ERP27: variants seen among roughly 807,000 people sequenced by gnomAD.
ERP27 encodes the protein endoplasmic reticulum protein 27.
Under a neutral mutation model 27.7 loss-of-function variants are expected in ERP27, and 23 were observed. That is an observed-to-expected ratio of 0.83 (90% CI 0.60 to 1.18). ERP27 has a LOEUF of 1.18. Among genes scored for constraint, ERP27 ranks in the 50% most tolerant of loss-of-function variants. The pLI, the probability that ERP27 is intolerant of heterozygous loss-of-function variation, is 0.00. For missense variants in ERP27, 363 were observed against 327.9 expected (o/e 1.11, Z -0.83); for synonymous variants, 159 against 118.3 (o/e 1.34, Z -2.23).
intron 3 of ERP27, among the ~76,000 whole-genome samples, chr12:14,933,482 G>T (rs935456418): frequency 6.6e-6 from 1 of 152,066 alleles, no homozygotes; most frequent in African/African-American, 2.4e-5. Context: ...TAGTTTTAAT[G>T]GTGTGATGGG....
chr12:14,931,928 A>C (rs758286225), intron 3 of ERP27, among the ~76,000 whole-genome samples: 1 of 152,186 alleles, frequency 6.6e-6, no homozygotes, highest in Non-Finnish European at 1.5e-5. Context: ...CATTTGCCTA[A>C]CCTTCCATAT....
intron 5 of ERP27, 113 bp from the exon 6 acceptor site, chr12:14,915,799 T>G (rs1452187967): frequency 1.1e-6 from 1 of 916,660 alleles, no homozygotes; most frequent in Non-Finnish European, 1.6e-6. Flanking sequence ...GTCTGCACCA[T>G]GAAATTGAAA....
At chr12:14,936,651 G>A (rs544009793) in intron 2 of ERP27, among the ~76,000 whole-genome samples, 19 of 152,176 alleles carry the variant, frequency 1.2e-4, no homozygotes, top group Admixed American at 9.2e-4. Context: ...ATGGGATCAT[G>A]GGGGCAGTTT....
intron 3 of ERP27, among the ~76,000 whole-genome samples, chr12:14,932,139 C>G (rs1863706660): frequency 6.6e-6 from 1 of 151,954 alleles, no homozygotes; most frequent in South Asian, 2.1e-4. Context: ...GTATTATAGC[C>G]CTTTGAATAC....
chr12:14,922,457 G>A (rs1318046726), intron 3 of ERP27, among the ~76,000 whole-genome samples: 1 of 116,928 alleles, frequency 8.6e-6, no homozygotes, highest in Non-Finnish European at 1.7e-5. Context: ...CATGTTGCTT[G>A]CCTATTTTTC....
In ERP27 at chr12:14,921,049, C is replaced by T; in HGVS notation, c.334-1G>A. On this transcript the variant is annotated splice_acceptor_variant, in intron 3 of 6. Coordinates refer to ENST00000266397, the MANE Select transcript of ERP27 (RefSeq NM_152321.4). LOFTEE classifies it high-confidence loss of function. ...CTAAATTCAGTTGTTCATTGTCTACCTGGATAACACAAAAAAGAATGAAGT... is the reference window on the plus strand; with the variant it reads ...CTAAATTCAGTTGTTCATTGTCTACTTGGATAACACAAAAAAGAATGAAGT... 1 of 1,609,862 alleles carries T rather than the reference C, an allele frequency of 6.2e-7. No homozygotes were observed. Among genetic ancestry groups the T allele is most frequent in the Non-Finnish European group, 8.5e-7 (1 of 1,176,294 alleles).
chr12:14,926,532 CTGAG>C (rs879748798), intron 3 of ERP27, among the ~76,000 whole-genome samples: 12 of 152,246 alleles, frequency 7.9e-5, no homozygotes, highest in Admixed American at 3.9e-4. Flanking sequence ...TTTGAATTGA[CTGAG>C]TATTTTATAT....
At chr12:14,917,608 T>C (rs547629409) in intron 4 of ERP27, among the ~76,000 whole-genome samples, 2 of 152,338 alleles carry the variant, frequency 1.3e-5, no homozygotes, top group Non-Finnish European at 2.9e-5. Flanking sequence ...CTTCTCTCTA[T>C]CTCTCACTCT....
At chr12:14,925,337 G>A (rs895809403) in intron 3 of ERP27, among the ~76,000 whole-genome samples, 1 of 152,064 alleles carries the variant, frequency 6.6e-6, no homozygotes, top group Admixed American at 6.6e-5. Context: ...TAAATTAAGG[G>A]TCATTCCATG....
chr12:14,934,607 A>T (rs1417055549), intron 3 of ERP27, among the ~76,000 whole-genome samples: 3 of 152,226 alleles, frequency 2.0e-5, no homozygotes, highest in Non-Finnish European at 4.4e-5. Context: ...GCCCAAAGTC[A>T]TGTGGCTGTT....
intron 3 of ERP27, among the ~76,000 whole-genome samples, chr12:14,928,755 A>G (rs998370367): frequency 6.6e-6 from 1 of 152,258 alleles, no homozygotes; most frequent in Non-Finnish European, 1.5e-5. Context: ...AGTTTTGAGT[A>G]GAAAGCTTGG....
intron 3 of ERP27, among the ~76,000 whole-genome samples, chr12:14,924,006 C>A (rs1487454490): frequency 2.0e-5 from 3 of 152,096 alleles, no homozygotes; most frequent in African/African-American, 7.2e-5. Flanking sequence ...GTCCCCACTT[C>A]CCTCTTCCCT....
intron 5 of ERP27, 66 bp from the exon 6 acceptor site, chr12:14,915,752 C>G: frequency 7.1e-7 from 1 of 1,416,710 alleles, no homozygotes; most frequent in Non-Finnish European, 9.9e-7. Flanking sequence ...AAAGAGATAC[C>G]TTGTAATTGT....
At chr12:14,928,244 A>G (rs546992838) in intron 3 of ERP27, among the ~76,000 whole-genome samples, 17 of 152,310 alleles carry the variant, frequency 1.1e-4, no homozygotes, top group Middle Eastern at 3.4e-3. Context: ...TAGTCTACCC[A>G]GTAAGATCAG....
chr12:14,926,528 T>C (rs1565451753), intron 3 of ERP27, among the ~76,000 whole-genome samples: 1 of 152,246 alleles, frequency 6.6e-6, no homozygotes. Flanking sequence ...TACTTTTGAA[T>C]TGACTGAGTA....
chr12:14,919,691 GGGCAACTACATA>G (rs1459850189), intron 4 of ERP27, among the ~76,000 whole-genome samples: 1 of 152,144 alleles, frequency 6.6e-6, no homozygotes, highest in Non-Finnish European at 1.5e-5. Context: ...AAAAAAGCAA[GGGCAACTACATA>G]GGCTGTCTCT....
intron 3 of ERP27, among the ~76,000 whole-genome samples, chr12:14,923,535 C>CTATCTATA: frequency 6.6e-6 from 1 of 151,398 alleles, no homozygotes; most frequent in South Asian, 2.1e-4. Context: ...ATCTATCTAT[C>CTATCTATA]TATATTACCT....
chr12:14,931,308 A>G lies in ERP27; in HGVS notation c.333+3548T>C, dbSNP rs150764982. On this transcript the variant is annotated intron_variant, in intron 3 of 6. Transcript: ENST00000266397. Reference sequence around the variant, plus strand: ...ACAAACTGGATCCAGAAAATTTTCAATAGGTTCACGTTTCCCAGTGTAAAA... The same window carrying G: ...ACAAACTGGATCCAGAAAATTTTCAGTAGGTTCACGTTTCCCAGTGTAAAA... Among the ~76,000 whole-genome samples the G allele has an allele frequency of 4.6e-4, 69 of 151,388 alleles. No homozygotes were observed. The East Asian group carries it at 0.012, about 27-fold the overall frequency.
At chr12:14,922,431 T>C (rs1863519058) in intron 3 of ERP27, among the ~76,000 whole-genome samples, 1 of 152,052 alleles carries the variant, frequency 6.6e-6, no homozygotes. Flanking sequence ...ATTATCCTCT[T>C]TATGAAGTGT....
Sources: gnomAD v4.1 joint callset for allele counts (sites outside exome capture counted in the v4.1 genomes callset) on GRCh38, gnomAD v4.1.1 for gene constraint, MANE v1.5 for transcripts, NCBI Gene and HGNC (gene_info 2026-07-23, HGNC 2026-07-21) for gene names.